The following C8A variants were observed in gnomAD, a reference collection of about 807,000 sequenced individuals.
C8A encodes complement component C8 alpha chain.
In C8A, 67 loss-of-function variants were observed where a neutral mutation model predicts 65.3. The ratio of observed to expected loss-of-function variants is 1.03; its 90% CI spans 0.84 to 1.26. The LOEUF is 1.26. Among genes scored for constraint, C8A ranks in the 50% most tolerant of loss-of-function variants. C8A has a pLI of 0.00. For synonymous variants in C8A, 290 were observed against 259.4 expected (o/e 1.12, Z -1.13); for missense variants, 781 against 723.9 (o/e 1.08, Z -0.90).
chr1:56,896,835 A>G (rs1041271229), intron 7 of C8A, among the ~76,000 whole-genome samples: 3 of 152,166 alleles, frequency 2.0e-5, no homozygotes, highest in Non-Finnish European at 2.9e-5. Context: ...ATAGAGGAAT[A>G]AGCATCACTG....
At chr1:56,859,968 C>T (rs1644014976) in intron 1 of C8A, among the ~76,000 whole-genome samples, 1 of 152,154 alleles carries the variant, frequency 6.6e-6, no homozygotes, top group African/African-American at 2.4e-5. Context: ...GAGACTGAGG[C>T]ACGAGAATTG....
chr1:56,909,959 G>A lies in C8A; in HGVS notation c.1380+1846G>A, dbSNP rs117625274. On this transcript the variant is annotated intron_variant, in intron 9 of 10. Coordinates refer to ENST00000361249, the MANE Select transcript of C8A (RefSeq NM_000562.3). ...CTTCACAACTCATGTTGCCCCCTGA[G>A]AAGTTCGGACTCAATGCATTAAGCC... Among the ~76,000 whole-genome samples, 259 of 152,300 alleles carry A rather than the reference G, an allele frequency of 1.7e-3. 7 individuals are homozygous for A. In the East Asian group the frequency reaches 0.038, roughly 23 times the overall value.
chr1:56,862,898 C>T (rs2101191035), intron 1 of C8A, among the ~76,000 whole-genome samples: 1 of 152,196 alleles, frequency 6.6e-6, no homozygotes, highest in East Asian at 1.9e-4. Flanking sequence ...GCAATATGTG[C>T]CATAAGCTCT....
intron 1 of C8A, among the ~76,000 whole-genome samples, chr1:56,858,355 A>G (rs1019588682): frequency 6.6e-6 from 1 of 152,172 alleles, no homozygotes; most frequent in African/African-American, 2.4e-5. Flanking sequence ...AACCCTTATT[A>G]CATTCTTCTA....
intron 7 of C8A, among the ~76,000 whole-genome samples, chr1:56,902,596 C>T (rs537971482): frequency 6.6e-6 from 1 of 152,250 alleles, no homozygotes; most frequent in African/African-American, 2.4e-5. Context: ...TGCTCTCAGA[C>T]TTTATCTTGT....
At chr1:56,885,429 TATATATTTAA>T (rs1349153122) in intron 6 of C8A, among the ~76,000 whole-genome samples, 19 of 103,538 alleles carry the variant, frequency 1.8e-4, no homozygotes, top group African/African-American at 9.4e-4. Flanking sequence ...TATATTTAAA[TATATATTTAA>T]GTAAATATAT....
intron 7 of C8A, among the ~76,000 whole-genome samples, chr1:56,895,605 A>T (rs936389570): frequency 6.6e-6 from 1 of 152,184 alleles, no homozygotes; most frequent in African/African-American, 2.4e-5. Context: ...GTAATAGAAC[A>T]CAAAGTATCA....
intron 1 of C8A, among the ~76,000 whole-genome samples, chr1:56,865,768 A>T (rs1245855405): frequency 6.6e-6 from 1 of 152,212 alleles, no homozygotes; most frequent in Non-Finnish European, 1.5e-5. Flanking sequence ...AGAAAATTAA[A>T]ATTTGGGGAA....
chr1:56,878,827 T>G (rs1644224251), intron 4 of C8A, among the ~76,000 whole-genome samples: 1 of 152,184 alleles, frequency 6.6e-6, no homozygotes, highest in Admixed American at 6.5e-5. Flanking sequence ...AAAACTGCAT[T>G]GACAATATGC....
At chr1:56,856,983 TTAGAAGTTTTTA>T (rs1643983145) in intron 1 of C8A, among the ~76,000 whole-genome samples, 1 of 152,082 alleles carries the variant, frequency 6.6e-6, no homozygotes, top group African/African-American at 2.4e-5. Context: ...TGTGTGTTGC[TTAGAAGTTTTTA>T]ATTTCAAGTT....
chr1:56,861,662 C>G (rs2101188724), intron 1 of C8A, among the ~76,000 whole-genome samples: 1 of 152,284 alleles, frequency 6.6e-6, no homozygotes, highest in South Asian at 2.1e-4. Context: ...TAAAACAAAA[C>G]TAGACAATTT....
At chr1:56,912,080 A>T (rs1644512208) in intron 9 of C8A, among the ~76,000 whole-genome samples, 1 of 152,134 alleles carries the variant, frequency 6.6e-6, no homozygotes, top group Non-Finnish European at 1.5e-5. Flanking sequence ...AGCTAAGTAA[A>T]TGTGCCTCAC....
At chr1:56,903,865 T>C (rs78396361) in intron 7 of C8A, among the ~76,000 whole-genome samples, 2,040 of 152,342 alleles carry the variant, frequency 0.013, 63 homozygotes, top group South Asian at 0.12. Context: ...TTTTCAAAAG[T>C]ACTCCAGATG....
chr1:56,909,174 C>T (rs979797302), intron 9 of C8A, among the ~76,000 whole-genome samples: 1 of 152,194 alleles, frequency 6.6e-6, no homozygotes, highest in Non-Finnish European at 1.5e-5. Context: ...CTAGCAGTTG[C>T]CAAACTATTT....
intron 1 of C8A, 137 bp downstream of exon 1, chr1:56,855,115 A>T: frequency 1.3e-6 from 1 of 758,262 alleles, no homozygotes; most frequent in South Asian, 1.5e-5. Context: ...ACTCCTGTGG[A>T]GGAGGATGGG....
At chr1:56,868,266 G>A (rs1454830779) in intron 2 of C8A, among the ~76,000 whole-genome samples, 1 of 151,580 alleles carries the variant, frequency 6.6e-6, no homozygotes, top group East Asian at 1.9e-4. Flanking sequence ...AGGCAGAGGC[G>A]AGTATTAAAA....
At chr1:56,872,546 T>C (rs1175834969) in intron 2 of C8A, among the ~76,000 whole-genome samples, 1 of 152,022 alleles carries the variant, frequency 6.6e-6, no homozygotes, top group Non-Finnish European at 1.5e-5. Context: ...AGGGTATGAA[T>C]TGTGGGAAAA....
intron 7 of C8A, among the ~76,000 whole-genome samples, chr1:56,904,085 T>C (rs1476950094): frequency 6.6e-6 from 1 of 152,202 alleles, no homozygotes; most frequent in East Asian, 1.9e-4. Context: ...AAGTTCTTTA[T>C]AATGGCTCCA....
intron 2 of C8A, among the ~76,000 whole-genome samples, chr1:56,872,056 G>T (rs1219726000): frequency 1.3e-5 from 2 of 152,098 alleles, no homozygotes; most frequent in African/African-American, 4.8e-5. Context: ...AGGTATCCTG[G>T]CACCAAGTTT....
Sources: gnomAD v4.1 joint callset for allele counts (sites outside exome capture counted in the v4.1 genomes callset) on GRCh38, gnomAD v4.1.1 for gene constraint, MANE v1.5 for transcripts, NCBI Gene and HGNC (gene_info 2026-07-23, HGNC 2026-07-21) for gene names.